The following PPP4R3B variants were observed in gnomAD, a reference collection of about 807,000 sequenced individuals.
PPP4R3B encodes serine/threonine-protein phosphatase 4 regulatory subunit 3B.
Under a neutral mutation model 95.4 loss-of-function variants are expected in PPP4R3B, and 52 were observed. That is an observed-to-expected ratio of 0.54 (90% CI 0.44 to 0.69). The LOEUF (loss-of-function observed/expected upper bound fraction) is 0.69, where lower values mean the gene tolerates loss of function less well. PPP4R3B is among the 30% of genes least tolerant of loss of function. PPP4R3B has a pLI of 0.00. For synonymous variants in PPP4R3B, 407 were observed against 343.9 expected (o/e 1.18, Z -2.03); for missense variants, 1,003 against 1,005.9 (o/e 1.00, Z 0.04).
intron 2 of PPP4R3B, among the ~76,000 whole-genome samples, chr2:55,605,537 T>A (rs1572718502): frequency 6.6e-6 from 1 of 152,306 alleles, no homozygotes; most frequent in East Asian, 1.9e-4. Context: ...TCTACCTTCT[T>A]CCTGGCTATG....
At chr2:55,569,186 AC>A (rs1224474727) in intron 12 of PPP4R3B, among the ~76,000 whole-genome samples, 1 of 152,160 alleles carries the variant, frequency 6.6e-6, no homozygotes, top group Non-Finnish European at 1.5e-5. Context: ...GGACAGGGCC[AC>A]CAGAGGGCTC....
rs139911944 is a variant in PPP4R3B at position 55,550,070 on chromosome 2, A to C, written c.2455-64T>G. ...TAACAAAAAAGAGCTTTTAGTACAA[A>C]TACAATCACTTGTAAAAATATCAGA... On this transcript the variant is annotated intron_variant, in intron 16 of 16. Coordinates refer to ENST00000616407, the MANE Select transcript of PPP4R3B (RefSeq NM_001122964.3). 1.0e-5 allele frequency: 10 copies of C among 982,386 alleles called. No homozygotes were observed. The East Asian group carries it at 2.5e-4, about 25-fold the overall frequency. 60.9% of individuals were successfully genotyped at this position (982,386 alleles called of 1,614,324 possible).
At chr2:55,571,585 A>G (rs1057439048) in intron 12 of PPP4R3B, among the ~76,000 whole-genome samples, 1 of 152,318 alleles carries the variant, frequency 6.6e-6, no homozygotes, top group Admixed American at 6.5e-5. Context: ...TACAAGAGAC[A>G]CTATAATGCC....
At chr2:55,615,333 G>T in intron 2 of PPP4R3B, 118 bp downstream of exon 2, 1 of 793,078 alleles carries the variant, frequency 1.3e-6, no homozygotes, top group Non-Finnish European at 2.0e-6. Context: ...AAATACACAT[G>T]ATCTTTGTTT....
intron 4 of PPP4R3B, among the ~76,000 whole-genome samples, chr2:55,597,209 G>A (rs182537623): frequency 3.3e-5 from 5 of 151,950 alleles, no homozygotes; most frequent in East Asian, 2.0e-4. Flanking sequence ...GAAACTGGCC[G>A]GGCACAGTGA....
At chr2:55,586,244 C>A (rs904218810) in intron 6 of PPP4R3B, among the ~76,000 whole-genome samples, 2 of 152,002 alleles carry the variant, frequency 1.3e-5, no homozygotes, top group African/African-American at 4.8e-5. Flanking sequence ...AGATAAAACT[C>A]ATATAAACAA....
At position 55,555,918 on chromosome 2, in the gene PPP4R3B, T is replaced by C. The variant is rs532364706; in HGVS notation, c.2454+2857A>G. Among the ~76,000 whole-genome samples the C allele has an allele frequency of 1.4e-4, 22 of 152,386 alleles. No individual in the cohort carries two copies. In the East Asian group the frequency reaches 4.0e-3, roughly 28 times the overall value. Reference sequence around the variant, plus strand: ...CACAAATGGCTTCTCATTCTGATTTTATATTTTTCCTCATAGAAAATATAC... The same window carrying C: ...CACAAATGGCTTCTCATTCTGATTTCATATTTTTCCTCATAGAAAATATAC... On this transcript the variant is annotated intron_variant, in intron 16 of 16. Transcript: ENST00000616407.
At chr2:55,551,215 G>A (rs566277242) in intron 16 of PPP4R3B, among the ~76,000 whole-genome samples, 4 of 152,146 alleles carry the variant, frequency 2.6e-5, no homozygotes, top group Admixed American at 2.0e-4. Flanking sequence ...TTAGCCTGGC[G>A]TGATGGCAGG....
Position 55,578,273 on chromosome 2 carries a change from G to C in PPP4R3B, c.1538C>G (p.Ser513Cys). The C allele has an allele frequency of 1.4e-6, 2 of 1,478,156 alleles. No homozygotes were observed. Among genetic ancestry groups the C allele is most frequent in the Non-Finnish European group, 1.8e-6 (2 of 1,111,734 alleles). 91.6% of individuals were successfully genotyped at this position (1,478,156 alleles called of 1,614,324 possible). Reference protein sequence around the residue: ...ICTPSHSHSHSTPSSSISQDN... With the variant: ...ICTPSHSHSHCTPSSSISQDN... ...TTGAGAGATGGAGGAAGAGGGGGTAGAATGGGAATGGGAATGTGAAGGGGT... is the reference window on the plus strand; with the variant it reads ...TTGAGAGATGGAGGAAGAGGGGGTACAATGGGAATGGGAATGTGAAGGGGT... Residue 513 changes from serine to cysteine, a missense_variant, in exon 10 of 17, where the codon TCT becomes TGT. Coordinates refer to ENST00000616407, the MANE Select transcript of PPP4R3B (RefSeq NM_001122964.3).
intron 16 of PPP4R3B, among the ~76,000 whole-genome samples, chr2:55,550,914 T>A (rs891296638): frequency 6.6e-6 from 1 of 152,206 alleles, no homozygotes; most frequent in Non-Finnish European, 1.5e-5. Flanking sequence ...TATACCTGTC[T>A]GAGAATCTGT....
intron 5 of PPP4R3B, among the ~76,000 whole-genome samples, chr2:55,587,466 C>T (rs1349675838): frequency 6.6e-6 from 1 of 152,220 alleles, no homozygotes; most frequent in Non-Finnish European, 1.5e-5. Flanking sequence ...CGCCTGTAAT[C>T]ACAGCTACTC....
chr2:55,594,445 T>A (rs1484150934), intron 4 of PPP4R3B, among the ~76,000 whole-genome samples: 1 of 152,186 alleles, frequency 6.6e-6, no homozygotes, highest in Non-Finnish European at 1.5e-5. Context: ...AGTAAATCTT[T>A]TAGAAAAATA....
At chr2:55,616,438 T>G (rs928158202) in intron 1 of PPP4R3B, 1 of 152,240 alleles carries the variant, frequency 6.6e-6, no homozygotes, top group Non-Finnish European at 1.5e-5. Flanking sequence ...ATAAAAGGCA[T>G]TTTAATTACG....
rs149455603 is a variant in PPP4R3B, at chr2:55,617,440, G to A, written c.-155C>T. ...ACCATGGCTCCAAAGGTTCAGCCGC[G>A]AGAAGGGGTGACAAGAGCCACTGAG... On this transcript the variant is annotated 5_prime_UTR_variant, in exon 1 of 17. Coordinates refer to ENST00000616407, the MANE Select transcript of PPP4R3B (RefSeq NM_001122964.3). 2.0e-3 allele frequency: 1,824 copies of A among 893,082 alleles called. 45 individuals carry two copies. The South Asian group carries it at 0.031, about 15-fold the overall frequency. The allele number at this position is 893,082 out of a possible 1,614,324, so 55.3% of individuals were successfully genotyped here.
intron 2 of PPP4R3B, among the ~76,000 whole-genome samples, chr2:55,613,693 A>G (rs1378798717): frequency 6.6e-6 from 1 of 152,168 alleles, no homozygotes; most frequent in Non-Finnish European, 1.5e-5. Context: ...GATCTTATAT[A>G]CAATCTGAGA....
At chr2:55,573,549 T>C in intron 12 of PPP4R3B, 70 bp downstream of exon 12, 1 of 1,360,884 alleles carries the variant, frequency 7.3e-7, no homozygotes, top group Non-Finnish European at 9.9e-7. Context: ...TGCTAATAAA[T>C]AACTTCAAAT....
At chr2:55,562,598 A>C (rs1313389387) in intron 15 of PPP4R3B, among the ~76,000 whole-genome samples, 2 of 152,204 alleles carry the variant, frequency 1.3e-5, no homozygotes, top group Non-Finnish European at 2.9e-5. Context: ...GAGTTAATCA[A>C]ACCTCTTTTC....
intron 4 of PPP4R3B, among the ~76,000 whole-genome samples, chr2:55,596,873 A>G (rs75898482): frequency 6.6e-6 from 1 of 152,068 alleles, no homozygotes; most frequent in Non-Finnish European, 1.5e-5. Context: ...CTGAGGCAGG[A>G]GAATCGCTTG....
At chr2:55,583,268 C>G (rs530944243) in intron 7 of PPP4R3B, among the ~76,000 whole-genome samples, 3 of 151,914 alleles carry the variant, frequency 2.0e-5, no homozygotes, top group Non-Finnish European at 2.9e-5. Context: ...TTTATCTTCT[C>G]TTGTGGACTA....
Sources: allele counts gnomAD v4.1 joint callset (sites outside exome capture counted in the v4.1 genomes callset), GRCh38; gene constraint gnomAD v4.1.1; transcripts MANE v1.5; gene names NCBI Gene and HGNC (gene_info 2026-07-23, HGNC 2026-07-21).